Variants in EGLN1 observed in about 807,000 individuals in gnomAD.
EGLN1 encodes the protein egl nine homolog 1.
EGLN1 carries 17 observed loss-of-function variants against 38.3 expected under a neutral mutation model. The ratio of observed to expected loss-of-function variants is 0.44; its 90% CI spans 0.30 to 0.67. EGLN1 has a LOEUF of 0.67. Ranked by LOEUF, EGLN1 falls within the 30% of genes least tolerant of loss-of-function variation. The pLI, the probability that EGLN1 is intolerant of heterozygous loss-of-function variation, is 0.08. For missense variants in EGLN1, 477 were observed against 603.3 expected, an observed-to-expected ratio of 0.79 and a Z score of 2.19; for synonymous variants, 283 against 257.5, an observed-to-expected ratio of 1.10 and a Z score of -0.95.
At chr1:231,395,389 T>C (rs1427455080) in intron 1 of EGLN1, among the ~76,000 whole-genome samples, 1 of 148,996 alleles carries the variant, frequency 6.7e-6, no homozygotes, top group Non-Finnish European at 1.5e-5. Context: ...CTAACAACTG[T>C]AGTTGCCTCC....
At chr1:231,370,838 C>T in intron 2 of EGLN1, 140 bp from the exon 3 acceptor site, 1 of 988,356 alleles carries the variant, frequency 1.0e-6, no homozygotes, top group Non-Finnish European at 1.6e-6. Flanking sequence ...AGATGAGCTG[C>T]AATTTTAAAA....
chr1:231,413,399 T>C (rs1689001765), intron 1 of EGLN1, among the ~76,000 whole-genome samples: 1 of 152,184 alleles, frequency 6.6e-6, no homozygotes, highest in African/African-American at 2.4e-5. Flanking sequence ...CCTCTGTATT[T>C]GCTATTTAAT....
At chr1:231,390,491 C>A (rs1193687212) in intron 1 of EGLN1, among the ~76,000 whole-genome samples, 1 of 152,168 alleles carries the variant, frequency 6.6e-6, no homozygotes, top group South Asian at 2.1e-4. Context: ...CAAAGAAATG[C>A]GGCTTAGAAT....
At chr1:231,386,871 T>C (rs954057087) in intron 1 of EGLN1, among the ~76,000 whole-genome samples, 1 of 152,138 alleles carries the variant, frequency 6.6e-6, no homozygotes, top group Admixed American at 6.5e-5. Context: ...TATATACATA[T>C]ATTTTAGACA....
chr1:231,370,808 T>C, intron 2 of EGLN1, 110 bp from the exon 3 acceptor site: 1 of 1,281,524 alleles, frequency 7.8e-7, no homozygotes, highest in Non-Finnish European at 1.1e-6. Flanking sequence ...TATTCACAAA[T>C]ACGTCTCAAT....
intron 1 of EGLN1, among the ~76,000 whole-genome samples, chr1:231,410,607 A>G (rs1688913019): frequency 6.6e-6 from 1 of 152,216 alleles, no homozygotes; most frequent in South Asian, 2.1e-4. Context: ...AACTAAGAAG[A>G]AAAATCTAGA....
intron 1 of EGLN1, among the ~76,000 whole-genome samples, chr1:231,376,402 G>A (rs915650929): frequency 2.0e-5 from 3 of 152,280 alleles, no homozygotes; most frequent in East Asian, 1.9e-4. Context: ...TTGTGTTCAA[G>A]GAAACCTTAT....
chr1:231,405,718 C>T (rs1007225072), intron 1 of EGLN1, among the ~76,000 whole-genome samples: 1 of 151,988 alleles, frequency 6.6e-6, no homozygotes, highest in African/African-American at 2.4e-5. Context: ...TCTCCCTTTC[C>T]CCAGACAATT....
rs544447356 is a variant in EGLN1 at position 231,390,860 on chromosome 1, T to C, written c.892-16761A>G. ...TTATCTTTACTATTATTAATTTTTT[T>C]TTTTTTTAAGAGACAAGGTCTCTGT... On this transcript the variant is annotated intron_variant, in intron 1 of 4. Transcript: ENST00000366641. Among the ~76,000 whole-genome samples the C allele has an allele frequency of 2.6e-5, 4 of 152,162 alleles. No individual in the cohort carries two copies. In the South Asian group the frequency reaches 8.3e-4, roughly 32 times the overall value.
At chr1:231,410,047 GAATAGTA>G (rs1019324358) in intron 1 of EGLN1, among the ~76,000 whole-genome samples, 33 of 152,302 alleles carry the variant, frequency 2.2e-4, no homozygotes, top group African/African-American at 7.5e-4. Flanking sequence ...AGATCATAAA[GAATAGTA>G]ACATTTAAGG....
At chr1:231,394,928 C>T (rs1688483408) in intron 1 of EGLN1, among the ~76,000 whole-genome samples, 1 of 152,150 alleles carries the variant, frequency 6.6e-6, no homozygotes, top group Non-Finnish European at 1.5e-5. Flanking sequence ...TAAGGCCAAT[C>T]CTGCCTCCTA....
chr1:231,370,804 CA>C, intron 2 of EGLN1, 106 bp from the exon 3 acceptor site: 9 of 1,310,316 alleles, frequency 6.9e-6, no homozygotes, highest in Non-Finnish European at 9.8e-6. Flanking sequence ...GGATTATTCA[CA>C]AATACGTCTC....
intron 1 of EGLN1, among the ~76,000 whole-genome samples, chr1:231,384,127 G>A (rs1200657795): frequency 6.6e-6 from 1 of 152,072 alleles, no homozygotes; most frequent in African/African-American, 2.4e-5. Context: ...AACAGTAAGA[G>A]TGTGAAACAG....
chr1:231,373,863 T>C (rs1558379603), intron 2 of EGLN1, 117 bp downstream of exon 2: 3 of 1,260,520 alleles, frequency 2.4e-6, no homozygotes, highest in Non-Finnish European at 2.3e-6. Flanking sequence ...CTGAAACAAA[T>C]TTAAGAGGAA....
intron 1 of EGLN1, among the ~76,000 whole-genome samples, chr1:231,389,468 C>T (rs1212955798): frequency 1.3e-5 from 2 of 152,092 alleles, no homozygotes; most frequent in African/African-American, 4.8e-5. Flanking sequence ...CAGCGAGTAA[C>T]AGTGGCAATA....
At chr1:231,370,059 T>C in intron 3 of EGLN1, among the ~76,000 whole-genome samples, 1 of 152,226 alleles carries the variant, frequency 6.6e-6, no homozygotes, top group South Asian at 2.1e-4. Flanking sequence ...TTTCTAACAT[T>C]AACTCCCACA....
chr1:231,376,385 G>A (rs555170842), intron 1 of EGLN1, among the ~76,000 whole-genome samples: 4 of 152,278 alleles, frequency 2.6e-5, no homozygotes, highest in African/African-American at 4.8e-5. Flanking sequence ...AGCAATCGTC[G>A]TGGTACTTGT....
chr1:231,404,081 C>T (rs923503980), intron 1 of EGLN1, among the ~76,000 whole-genome samples: 4 of 152,068 alleles, frequency 2.6e-5, no homozygotes, highest in African/African-American at 9.7e-5. Context: ...TATTATAATA[C>T]ATACAGCAGT....
intron 1 of EGLN1, among the ~76,000 whole-genome samples, chr1:231,398,897 A>C (rs567283973): frequency 2.0e-5 from 3 of 152,356 alleles, no homozygotes; most frequent in African/African-American, 7.2e-5. Context: ...TTCAATGCTA[A>C]GGTACCATGC....
Sources: gnomAD v4.1 joint callset for allele counts (sites outside exome capture counted in the v4.1 genomes callset) on GRCh38, gnomAD v4.1.1 for gene constraint, MANE v1.5 for transcripts, NCBI Gene and HGNC (gene_info 2026-07-23, HGNC 2026-07-21) for gene names.